Variants in RFT1 observed in about 807,000 individuals in gnomAD.
The protein encoded by RFT1 is man(5)GlcNAc(2)-PP-dolichol translocation protein RFT1.
Under a neutral mutation model 62.2 loss-of-function variants are expected in RFT1, and 43 were observed. That is an observed-to-expected ratio of 0.69 (90% CI 0.54 to 0.89). The LOEUF is 0.89. RFT1 is among the 40% of genes least tolerant of loss of function. The probability of loss-of-function intolerance (pLI) is 0.00; values close to 1 mark genes in which losing one functional copy is unlikely to be tolerated. For missense variants in RFT1, 605 were observed against 649.9 expected (o/e 0.93, Z 0.75); for synonymous variants, 262 against 264.6 (o/e 0.99, Z 0.10).
the RFT1 span, among the ~76,000 whole-genome samples, chr3:53,074,688 C>T: frequency 6.6e-6 from 1 of 152,158 alleles, no homozygotes; most frequent in Non-Finnish European, 1.5e-5. Flanking sequence ...GCACTGCATG[C>T]GTATGAATAG....
chr3:53,128,096 G>A (rs1005209494), intron 1 of RFT1, among the ~76,000 whole-genome samples: 1 of 152,082 alleles, frequency 6.6e-6, no homozygotes. Context: ...TCAGAAGTTC[G>A]AGACCAGCCT....
At chr3:53,078,486 C>T in the RFT1 span, among the ~76,000 whole-genome samples, 9 of 152,240 alleles carry the variant, frequency 5.9e-5, no homozygotes, top group African/African-American at 1.7e-4. Context: ...CAGTGGCTCA[C>T]GCCTGTAATC....
At chr3:53,077,922 T>C in the RFT1 span, 1 of 152,286 alleles carries the variant, frequency 6.6e-6, no homozygotes, top group African/African-American at 2.4e-5. Flanking sequence ...GCTGGCATCA[T>C]GCAAAGCCCT....
chr3:53,114,197 C>A (rs147645550), intron 6 of RFT1, among the ~76,000 whole-genome samples: 1 of 152,334 alleles, frequency 6.6e-6, no homozygotes, highest in Non-Finnish European at 1.5e-5. Context: ...CTCCTCACCC[C>A]TTGCCATGCT....
At chr3:53,110,655 TG>T (rs896690576) in intron 7 of RFT1, among the ~76,000 whole-genome samples, 11 of 151,716 alleles carry the variant, frequency 7.3e-5, no homozygotes, top group Admixed American at 1.3e-4. Context: ...AAAATACAGA[TG>T]GGGGGGAAAT....
the RFT1 span, among the ~76,000 whole-genome samples, chr3:53,071,868 C>T: frequency 3.9e-5 from 6 of 152,248 alleles, no homozygotes; most frequent in African/African-American, 1.4e-4. Flanking sequence ...GACTCAAAAG[C>T]AGGTCCTTGC....
At chr3:53,112,286 G>T (rs1299505281) in intron 6 of RFT1, among the ~76,000 whole-genome samples, 14 of 152,170 alleles carry the variant, frequency 9.2e-5, no homozygotes, top group Admixed American at 9.2e-4. Context: ...TCCATATACT[G>T]CACATTGTAA....
At chr3:53,122,782 A>C (rs1393269800) in intron 3 of RFT1, among the ~76,000 whole-genome samples, 1 of 152,166 alleles carries the variant, frequency 6.6e-6, no homozygotes, top group African/African-American at 2.4e-5. Context: ...AATGAAACTG[A>C]GGCTGACAGG....
rs182632163 is a variant in RFT1 at position 53,129,790 on chromosome 3, A to G, written c.63+548T>C. Among the ~76,000 whole-genome samples, 55 of 152,308 alleles carry G rather than the reference A, an allele frequency of 3.6e-4. 1 individual carries two copies. The highest frequency in any genetic ancestry group is 1.2e-3 in the South Asian group (6 of 4,828). On this transcript the variant is annotated intron_variant, in intron 1 of 12. Transcript: ENST00000296292. ...TACGTTTATTTGAATGATCCCAATC[A>G]ATCCCTGCTTATGAGCTAAGTACGA...
At chr3:53,105,893 A>G in intron 8 of RFT1, 90 bp from the exon 9 acceptor site, 1 of 1,220,532 alleles carries the variant, frequency 8.2e-7, no homozygotes, top group Non-Finnish European at 1.1e-6. Flanking sequence ...TATTTTCATT[A>G]AAGTTTGTTT....
At chr3:53,103,070 A>G in intron 10 of RFT1, 1 of 980,882 alleles carries the variant, frequency 1.0e-6, no homozygotes, top group African/African-American at 1.7e-5. Context: ...CTGGTTTCAC[A>G]GCAGGTGTTT....
chr3:53,122,350 A>G, intron 4 of RFT1, 24 bp downstream of exon 4: 1 of 1,609,808 alleles, frequency 6.2e-7, no homozygotes, highest in African/African-American at 1.3e-5. Context: ...CCCATTTCCC[A>G]TTCACAGCAG....
At chr3:53,097,974 G>C (rs1346758041) in intron 11 of RFT1, among the ~76,000 whole-genome samples, 2 of 152,152 alleles carry the variant, frequency 1.3e-5, no homozygotes, top group Admixed American at 1.3e-4. Context: ...TACTAGGCTG[G>C]GAATCAATTT....
chr3:53,076,669 A>G, the RFT1 span, among the ~76,000 whole-genome samples: 1 of 152,142 alleles, frequency 6.6e-6, no homozygotes, highest in African/African-American at 2.4e-5. Context: ...TAAAGGTGAA[A>G]GAGGCAGGGT....
At chr3:53,079,783 C>T in the RFT1 span, among the ~76,000 whole-genome samples, 90 of 152,302 alleles carry the variant, frequency 5.9e-4, no homozygotes, top group Middle Eastern at 6.8e-3. Flanking sequence ...AGAAACCAGT[C>T]CATCTTAACC....
At chr3:53,086,612 G>A (rs866378004), downstream of RFT1, among the ~76,000 whole-genome samples, 20 of 152,044 alleles carry the variant, frequency 1.3e-4, no homozygotes, top group Admixed American at 2.0e-4. Context: ...CACCGCGCCC[G>A]GCTTTCAGTT....
chr3:53,086,531 G>A (rs977820275), downstream of RFT1, among the ~76,000 whole-genome samples: 2 of 152,080 alleles, frequency 1.3e-5, no homozygotes, highest in African/African-American at 4.8e-5. Flanking sequence ...GGCCAGACTG[G>A]TCTCAAACTC....
At chr3:53,105,424 CCCAA>C (rs1701439989) in intron 9 of RFT1, among the ~76,000 whole-genome samples, 2 of 134,318 alleles carry the variant, frequency 1.5e-5, no homozygotes, top group Admixed American at 7.4e-5. Context: ...CGCCCCCCCC[CCCAA>C]AAAGAGTAAG....
At chr3:53,121,926 A>T in intron 4 of RFT1, 126 bp from the exon 5 acceptor site, 2 of 753,132 alleles carry the variant, frequency 2.7e-6, no homozygotes, top group Non-Finnish European at 2.3e-6. Flanking sequence ...ACAGCTGGAC[A>T]TAAGTATCAG....
Sources: gnomAD v4.1 joint callset for allele counts (sites outside exome capture counted in the v4.1 genomes callset) on GRCh38, gnomAD v4.1.1 for gene constraint, MANE v1.5 for transcripts, NCBI Gene and HGNC (gene_info 2026-07-23, HGNC 2026-07-21) for gene names.